The following CIT variants were observed in gnomAD, a reference collection of about 807,000 sequenced individuals.
CIT encodes citron rho-interacting serine/threonine kinase, also known as citron Rho-interacting kinase.
Under a neutral mutation model 272.7 loss-of-function variants are expected in CIT, and 79 were observed. The ratio of observed to expected loss-of-function variants is 0.29; its 90% CI spans 0.24 to 0.35. The LOEUF is 0.35. Among genes scored for constraint, CIT ranks in the 10% least tolerant of loss-of-function variants. CIT has a pLI of 1.00. For synonymous variants in CIT, 948 were observed against 995.6 expected (o/e 0.95, Z 0.90); for missense variants, 1,909 against 2,618.3 (o/e 0.73, Z 5.91).
chr12:119,701,766 C>A lies in CIT; in HGVS notation c.5414-14G>T. The A allele has an allele frequency of 1.2e-6, 2 of 1,614,204 alleles. No individual in the cohort carries two copies. Among genetic ancestry groups the A allele is most frequent in the South Asian group, 1.1e-5 (1 of 91,086 alleles). On this transcript the variant is annotated splice_polypyrimidine_tract_variant and intron_variant, in intron 42 of 47. Transcript: ENST00000392521. ...TATCCAGGAATTCTGTAAAGGCAGG[C>A]GAGAAGCGGGGCTTCAGGAGTGAGT...
intron 23 of CIT, among the ~76,000 whole-genome samples, chr12:119,748,310 T>C (rs1959736587): frequency 6.6e-6 from 1 of 152,178 alleles, no homozygotes; most frequent in African/African-American, 2.4e-5. Context: ...AGAGATACTT[T>C]CTTTTGGAAG....
At position 119,701,889 on chromosome 12, in the gene CIT, T is replaced by C; in HGVS notation, c.5374A>G (p.Lys1792Glu). The C allele has an allele frequency of 6.2e-7, 1 of 1,614,166 alleles. No individual in the cohort carries two copies. Residue 1792 changes from lysine to glutamate, a missense_variant, in exon 42 of 48, where the codon AAA becomes GAA. Around this residue, in one of 8 missense-constraint regions of CIT, gnomAD observed 780 missense variants for 1,067.2 expected, o/e 0.73. Coordinates refer to ENST00000392521, the MANE Select transcript of CIT (RefSeq NM_001206999.2). ...TNYSILIGTNKFYEIDMKQYT... is the reference protein window; with the variant it reads ...TNYSILIGTNEFYEIDMKQYT... ...TGCTTCATGTCGATTTCGTAGAATT[T>C]ATTGGTTCCAATGAGGATACTGTAA...
chr12:119,733,091 T>C (rs554591146), intron 26 of CIT, among the ~76,000 whole-genome samples: 9 of 152,264 alleles, frequency 5.9e-5, no homozygotes, highest in Admixed American at 3.3e-4. Flanking sequence ...CAGCAACCCT[T>C]AGAACTATGG....
intron 32 of CIT, among the ~76,000 whole-genome samples, chr12:119,717,419 CTTTTTTT>C (rs60611060): frequency 1.8e-5 from 1 of 54,232 alleles, no homozygotes; most frequent in Non-Finnish European, 4.1e-5. Flanking sequence ...CTTTTCTTTT[CTTTTTTT>C]TTTTTTTTTT....
intron 3 of CIT, among the ~76,000 whole-genome samples, chr12:119,865,973 A>AC (rs1318421685): frequency 6.6e-6 from 1 of 151,576 alleles, no homozygotes; most frequent in East Asian, 1.9e-4. Context: ...ACATATGCTG[A>AC]TTTTTTTTCT....
chr12:119,715,356 G>A (rs781671202), intron 32 of CIT, among the ~76,000 whole-genome samples: 5 of 152,180 alleles, frequency 3.3e-5, no homozygotes, highest in Non-Finnish European at 5.9e-5. Context: ...AGCCATGAAA[G>A]GAATGAAGTT....
chr12:119,733,796 G>A (rs1234784884), intron 26 of CIT, among the ~76,000 whole-genome samples: 1 of 152,102 alleles, frequency 6.6e-6, no homozygotes, highest in Non-Finnish European at 1.5e-5. Context: ...CCCTGGGGTG[G>A]AGGGAAGACC....
chr12:119,862,017 C>G (rs1179093635), intron 3 of CIT, among the ~76,000 whole-genome samples: 1 of 151,404 alleles, frequency 6.6e-6, no homozygotes, highest in African/African-American at 2.4e-5. Context: ...TTGTTTGTTT[C>G]TAGGATGGAG....
chr12:119,692,106 G>A (rs937419641), intron 46 of CIT, among the ~76,000 whole-genome samples: 5 of 152,076 alleles, frequency 3.3e-5, no homozygotes, highest in Admixed American at 1.3e-4. Context: ...TGACACCAAC[G>A]TTGGACACAT....
chr12:119,722,974 G>C (rs1032798787), intron 28 of CIT, among the ~76,000 whole-genome samples: 5 of 152,084 alleles, frequency 3.3e-5, no homozygotes, highest in African/African-American at 1.2e-4. Context: ...AGGATCGCTT[G>C]AGCCCATGAG....
chr12:119,751,619 A>AAAG (rs10658268), intron 23 of CIT, among the ~76,000 whole-genome samples: 83,809 of 145,870 alleles, frequency 0.57, 24,326 homozygotes, highest in African/African-American at 0.63. Context: ...AAAAAAAAAA[A>AAAG]AAGTAACATG....
In CIT at chr12:119,697,492, A is replaced by AT. The variant is rs1426712918; in HGVS notation, c.5882+166dup. Among the ~76,000 whole-genome samples, 2 of 152,214 alleles carry AT rather than the reference A, an allele frequency of 1.3e-5. No homozygotes were observed. The highest frequency in any genetic ancestry group is 4.8e-5 in the African/African-American group (2 of 41,460). ...GTATTTTCTAATTCTCCTGATGCTC[A>AT]TAATGGTCTGTGTTATTTCAGTGCC... On this transcript the variant is annotated intron_variant, in intron 46 of 47. Coordinates refer to ENST00000392521, the MANE Select transcript of CIT (RefSeq NM_001206999.2). The surrounding 1 kb of genome is among the most constrained non-coding windows in gnomAD (Gnocchi z 4.9).
In CIT at chr12:119,742,198, T is replaced by A. The variant is rs1959089998; in HGVS notation, c.2958+213A>T. Among the ~76,000 whole-genome samples the A allele has an allele frequency of 2.0e-5, 3 of 152,140 alleles. No homozygotes were observed. The South Asian group carries it at 6.2e-4, about 32-fold the overall frequency. ...TCCAACTATCCTCTTCCCCAAAACA[T>A]GAAGAATGGTTTCAGTTTTTGAAAA... is the stretch of plus-strand genomic sequence containing the variant. On this transcript the variant is annotated intron_variant, in intron 24 of 47. Transcript: ENST00000392521.
Position 119,708,238 on chromosome 12 carries a change from C to T in CIT, c.5152G>A (p.Asp1718Asn), listed in dbSNP as rs373149919. 4.0e-5 allele frequency: 64 copies of T among 1,607,008 alleles called. No homozygotes were observed. Among genetic ancestry groups the T allele is most frequent in the Middle Eastern group, 1.7e-4 (1 of 6,058 alleles). Residue 1718 changes from aspartate (D) to asparagine (N), a missense_variant, in exon 40 of 48, where the codon GAC becomes AAC. This residue lies in a region of CIT where 780 missense variants were observed against 1,067.2 expected (regional missense o/e 0.73). Coordinates refer to ENST00000392521, the MANE Select transcript of CIT (RefSeq NM_001206999.2). ...LAQSHLPAQP[D>N]ISPNIFEAVK... ...GCTTCAAAAATGTTGGGTGAGATGT[C>T]GGGCTGGGCAGGCAGGTGGGACTGG...
At chr12:119,688,303 G>T in intron 47 of CIT, 48 bp from the exon 48 acceptor site, 2 of 1,577,006 alleles carry the variant, frequency 1.3e-6, no homozygotes, top group Non-Finnish European at 8.7e-7. Context: ...GCCAGAAGTT[G>T]CTGTGCTCAC....
chr12:119,691,128 G>A (rs1259674614), intron 46 of CIT, among the ~76,000 whole-genome samples: 1 of 141,024 alleles, frequency 7.1e-6, no homozygotes, highest in Non-Finnish European at 1.5e-5. Flanking sequence ...GCCAAGATCG[G>A]ACCACTGCAC....
intron 19 of CIT, among the ~76,000 whole-genome samples, chr12:119,766,384 G>A (rs1371805418): frequency 6.6e-6 from 1 of 152,092 alleles, no homozygotes; most frequent in Non-Finnish European, 1.5e-5. Flanking sequence ...AGGCACAGAA[G>A]GACAAACATC....
intron 10 of CIT, among the ~76,000 whole-genome samples, chr12:119,789,872 A>ATT (rs772395022): frequency 0.011 from 1,506 of 141,714 alleles, 31 homozygotes; most frequent in African/African-American, 0.036. Flanking sequence ...CGCCCAGCAA[A>ATT]TTTTTTTTTT....
At chr12:119,726,385 A>ATTTTTTTTTTTTTTTTTTTTTTTTTTT (rs3999547) in intron 28 of CIT, among the ~76,000 whole-genome samples, 1 of 101,418 alleles carries the variant, frequency 9.9e-6, no homozygotes. Flanking sequence ...CACTTGGCTA[A>ATTTTTTTTTTTTTTTTTTTTTTTTTTT]TTTTTTTTTT....
Sources: allele counts gnomAD v4.1 joint callset (sites outside exome capture counted in the v4.1 genomes callset), GRCh38; gene constraint gnomAD v4.1.1; regional missense constraint gnomAD v4.1.1; non-coding constraint Gnocchi (gnomAD v3.1); transcripts MANE v1.5; gene names NCBI Gene and HGNC (gene_info 2026-07-23, HGNC 2026-07-21).